CHM: variants seen among roughly 807,000 people sequenced by gnomAD.
The protein encoded by CHM is rab proteins geranylgeranyltransferase component A 1.
CHM carries 10 observed loss-of-function variants against 49.0 expected under a neutral mutation model. That is an observed-to-expected ratio of 0.20 (90% CI 0.13 to 0.35). The LOEUF is 0.35. Ranked by LOEUF, CHM falls within the 10% of genes least tolerant of loss-of-function variation. The pLI is 1.00. For missense variants in CHM, 455 were observed against 478.4 expected (o/e 0.95, Z 0.46); for synonymous variants, 184 against 167.5 (o/e 1.10, Z -0.76).
At chrX:85,909,021 T>A (rs765711416) in intron 9 of CHM, among the ~76,000 whole-genome samples, 3 of 111,721 alleles carry the variant, frequency 2.7e-5, no homozygotes, top group Non-Finnish European at 5.7e-5. Flanking sequence ...TAGAAAGATA[T>A]CCAGAGATTA....
intron 1 of CHM, among the ~76,000 whole-genome samples, chrX:86,042,614 G>A (rs1478162688): frequency 9.2e-6 from 1 of 108,833 alleles, no homozygotes; most frequent in Non-Finnish European, 1.9e-5. Flanking sequence ...GTTCAGAAGT[G>A]CAAAACCAGC....
At chrX:86,010,272 G>A (rs1933014397) in intron 2 of CHM, among the ~76,000 whole-genome samples, 1 of 102,703 alleles carries the variant, frequency 9.7e-6, no homozygotes, top group Admixed American at 1.1e-4. Context: ...GTTGATGGGT[G>A]CAGCAAACCA....
rs772453214 is a variant in CHM, at chrX:85,956,378, C to T, written c.941G>A (p.Gly314Glu). 8.3e-7 allele frequency: 1 copy of T among 1,203,697 alleles called. No individual in the cohort carries two copies. Among genetic ancestry groups the T allele is most frequent in the East Asian group, 3.0e-5 (1 of 33,637 alleles). Residue 314 changes from glycine (G) to glutamate (E), a missense_variant and splice_region_variant, in exon 8 of 15, where the codon GGA becomes GAA. Physicochemically the swap from Gly to Glu is moderately conservative, Grantham distance 98. Coordinates refer to ENST00000357749, the MANE Select transcript of CHM (RefSeq NM_000390.4). ...EYEKYPDEYK[G>E]YEEITFYEYL... ...TTCATAAAATGTGATCTCTTCATAT[C>T]CTATGAAAAGATGAAATTTTATCAC...
chrX:86,011,309 A>G (rs1349306194), intron 2 of CHM, among the ~76,000 whole-genome samples: 1 of 111,773 alleles, frequency 8.9e-6, no homozygotes, highest in Non-Finnish European at 1.9e-5. Context: ...ATCACTAGAA[A>G]GCAGTATTTT....
At chrX:85,951,454 A>T (rs1248873440) in intron 8 of CHM, among the ~76,000 whole-genome samples, 2 of 111,608 alleles carry the variant, frequency 1.8e-5, no homozygotes, top group Non-Finnish European at 3.8e-5. Flanking sequence ...CCTCCCAAAA[A>T]AAGCTAAGCA....
At chrX:85,997,419 T>C (rs1932490313) in intron 2 of CHM, among the ~76,000 whole-genome samples, 1 of 111,763 alleles carries the variant, frequency 8.9e-6, no homozygotes, top group Non-Finnish European at 1.9e-5. Flanking sequence ...GCTTTCTAAT[T>C]ATATTATAAT....
intron 12 of CHM, among the ~76,000 whole-genome samples, chrX:85,889,325 A>G (rs73224588): frequency 1.3e-4 from 15 of 111,969 alleles, no homozygotes; most frequent in Admixed American, 2.8e-4. Flanking sequence ...TCCAAAAAAC[A>G]ACTAATATCC....
chrX:85,879,000 T>C lies in CHM; in HGVS notation c.1574A>G (p.Gln525Arg), dbSNP rs1309166998. 2.5e-6 allele frequency: 3 copies of C among 1,204,923 alleles called. No homozygotes were observed. Among genetic ancestry groups the C allele is most frequent in the East Asian group, 3.0e-5 (1 of 33,687 alleles). ...TTCAGTATATGGAACAAACAATTTC[T>C]GCACAACTGATTCTAAATCTTCTCT... is the stretch of plus-strand genomic sequence containing the variant. ...TAREDLESVV[Q>R]KLFVPYTEME... The change falls in exon 13 of 15, where the codon CAG (glutamine) becomes CGG (arginine). Residue 525 changes from glutamine (Q) to arginine (R), a missense_variant. Gln to Arg is a conservative substitution (Grantham distance 43). Transcript: ENST00000357749.
intron 12 of CHM, among the ~76,000 whole-genome samples, chrX:85,893,170 T>A (rs1223791074): frequency 9.0e-6 from 1 of 111,731 alleles, no homozygotes; most frequent in Admixed American, 9.6e-5. Flanking sequence ...GCAGTAAGAT[T>A]ATGAGCATTT....
intron 8 of CHM, among the ~76,000 whole-genome samples, chrX:85,933,027 G>A (rs1458873175): frequency 9.0e-6 from 1 of 110,972 alleles, no homozygotes; most frequent in Non-Finnish European, 1.9e-5. Flanking sequence ...TTAGGCATTT[G>A]AGACCAGCCT....
intron 9 of CHM, among the ~76,000 whole-genome samples, chrX:85,908,022 C>G (rs1318552885): frequency 9.0e-6 from 1 of 111,192 alleles, no homozygotes; most frequent in African/African-American, 3.3e-5. Flanking sequence ...AACTTTGACT[C>G]AAAGTATAAG....
intron 11 of CHM, among the ~76,000 whole-genome samples, chrX:85,898,845 T>C (rs1473721861): frequency 8.9e-6 from 1 of 112,621 alleles, no homozygotes; most frequent in Non-Finnish European, 1.9e-5. Flanking sequence ...AGAGATGCTA[T>C]CATAGTGACC....
intron 5 of CHM, among the ~76,000 whole-genome samples, chrX:85,960,567 G>GA (rs927526133): frequency 4.5e-5 from 5 of 110,355 alleles, no homozygotes; most frequent in African/African-American, 9.9e-5. Flanking sequence ...GGCATTACAG[G>GA]AATGCAATGC....
At chrX:86,006,727 GAAC>G (rs1180316527) in intron 2 of CHM, among the ~76,000 whole-genome samples, 1 of 111,292 alleles carries the variant, frequency 9.0e-6, no homozygotes, top group Non-Finnish European at 1.9e-5. Context: ...TCTTCAAAGA[GAAC>G]AACAAACCAC....
intron 4 of CHM, chrX:85,969,054 G>A: frequency 1.5e-6 from 1 of 659,723 alleles, no homozygotes; most frequent in East Asian, 1.6e-4. Flanking sequence ...ATTTTTAAGT[G>A]GAAATTTAAG....
chrX:85,910,644 T>C (rs1203273485), intron 9 of CHM, among the ~76,000 whole-genome samples: 2 of 111,549 alleles, frequency 1.8e-5, no homozygotes, highest in Non-Finnish European at 3.8e-5. Flanking sequence ...CCTGATACTA[T>C]TGTAAAAAAT....
At chrX:85,899,304 T>C (rs1177943084) in intron 11 of CHM, among the ~76,000 whole-genome samples, 1 of 111,187 alleles carries the variant, frequency 9.0e-6, no homozygotes, top group African/African-American at 3.3e-5. Context: ...GGTAAGTAAA[T>C]ACCATAACCG....
At chrX:85,922,136 G>T (rs986385196) in intron 8 of CHM, among the ~76,000 whole-genome samples, 1 of 111,945 alleles carries the variant, frequency 8.9e-6, no homozygotes, top group African/African-American at 3.2e-5. Flanking sequence ...ATATACTGTA[G>T]ATCAGATAGC....
chrX:86,021,015 TAC>T (rs1409372164), intron 2 of CHM, among the ~76,000 whole-genome samples: 4 of 98,622 alleles, frequency 4.1e-5, no homozygotes, highest in Non-Finnish European at 6.1e-5. Flanking sequence ...TATATATATT[TAC>T]ACATATATAC....
Sources: gnomAD v4.1 joint callset for allele counts (sites outside exome capture counted in the v4.1 genomes callset) on GRCh38, gnomAD v4.1.1 for gene constraint, MANE v1.5 for transcripts, NCBI Gene and HGNC (gene_info 2026-07-23, HGNC 2026-07-21) for gene names.